The following MICU1 variants were observed in gnomAD, a reference collection of about 807,000 sequenced individuals.
MICU1 encodes the protein mitochondrial calcium uptake 1, also known as calcium uptake protein 1, mitochondrial.
MICU1 carries 45 observed loss-of-function variants against 56.8 expected under a neutral mutation model. The observed-to-expected ratio is 0.79, with a 90% confidence interval of 0.62 to 1.02. The LOEUF is 1.02. MICU1 is among the 50% of genes least tolerant of loss of function. The pLI is 0.00. For synonymous variants in MICU1, 186 were observed against 195.1 expected, an observed-to-expected ratio of 0.95 and a Z score of 0.39; for missense variants, 504 against 587.1, an observed-to-expected ratio of 0.86 and a Z score of 1.46.
intron 1 of MICU1, among the ~76,000 whole-genome samples, chr10:72,602,180 G>A (rs753284516): frequency 2.1e-4 from 32 of 151,450 alleles, no homozygotes; most frequent in Non-Finnish European, 3.7e-4. Context: ...GGCCAGGCAC[G>A]GTGGCTCTCT....
intron 3 of MICU1, among the ~76,000 whole-genome samples, chr10:72,558,522 C>CT (rs1011271998): frequency 3.3e-5 from 5 of 152,144 alleles, no homozygotes; most frequent in African/African-American, 1.2e-4. Flanking sequence ...TACGGCAGGG[C>CT]TTCTCTTGAC....
At chr10:72,599,483 G>GCTCT (rs1312651509) in intron 1 of MICU1, among the ~76,000 whole-genome samples, 1 of 151,994 alleles carries the variant, frequency 6.6e-6, no homozygotes, top group Non-Finnish European at 1.5e-5. Flanking sequence ...GCATATCCAT[G>GCTCT]CTCTACACAC....
Position 72,613,641 on chromosome 10 carries a change from A to G in MICU1, c.-2+12369T>C, listed in dbSNP as rs1044539162. Reference sequence around the variant, plus strand: ...ATATTTTCTCCTACATAACTACATTATCAAATTTATTCAAATTAATAATTA... The same window carrying G: ...ATATTTTCTCCTACATAACTACATTGTCAAATTTATTCAAATTAATAATTA... On this transcript the variant is annotated intron_variant, in intron 1 of 11. Transcript: ENST00000361114. Among the ~76,000 whole-genome samples, 4 of 152,224 alleles carry G rather than the reference A, an allele frequency of 2.6e-5. No homozygotes were observed. The East Asian group carries it at 7.7e-4, about 29-fold the overall frequency.
intron 4 of MICU1, among the ~76,000 whole-genome samples, chr10:72,549,821 C>T (rs2132441024): frequency 6.6e-6 from 1 of 150,478 alleles, no homozygotes; most frequent in South Asian, 2.1e-4. Context: ...ATGCCAGCTA[C>T]TCAGGAGGCA....
chr10:72,535,462 G>C (rs993301287), intron 4 of MICU1, among the ~76,000 whole-genome samples: 2 of 152,146 alleles, frequency 1.3e-5, no homozygotes, highest in African/African-American at 4.8e-5. Flanking sequence ...CTCAATCCAA[G>C]AGGTTTAGTA....
chr10:72,549,388 G>A lies in MICU1; in HGVS notation c.493+1791C>T, dbSNP rs1004530227. On this transcript the variant is annotated intron_variant, in intron 4 of 11. Transcript: ENST00000361114. Reference sequence around the variant, plus strand: ...TTATTTTTTGTAGAGATGGGGTTTCGCCATGTTGCCCAGGCTGGTCCTCAA... The same window carrying A: ...TTATTTTTTGTAGAGATGGGGTTTCACCATGTTGCCCAGGCTGGTCCTCAA... Among the ~76,000 whole-genome samples, 5 of 151,350 alleles carry A rather than the reference G, an allele frequency of 3.3e-5. No homozygotes were observed. In the South Asian group the frequency reaches 1.0e-3, roughly 32 times the overall value.
chr10:72,419,148 T>C (rs986073611), intron 9 of MICU1, among the ~76,000 whole-genome samples: 1 of 152,230 alleles, frequency 6.6e-6, no homozygotes, highest in African/African-American at 2.4e-5. Flanking sequence ...CCTATCATGA[T>C]AGATAATTAA....
At chr10:72,569,237 A>ATATATATATATATATATATAT in intron 1 of MICU1, among the ~76,000 whole-genome samples, 1 of 34,378 alleles carries the variant, frequency 2.9e-5, no homozygotes, top group African/African-American at 1.1e-4. Context: ...ATATATATAT[A>ATATATATATATATATATATAT]TTTTTTTTTT....
At chr10:72,507,809 G>T (rs139675006) in intron 6 of MICU1, among the ~76,000 whole-genome samples, 1 of 151,980 alleles carries the variant, frequency 6.6e-6, no homozygotes, top group Non-Finnish European at 1.5e-5. Context: ...GTAGAGATGG[G>T]GTTTCACCAT....
At chr10:72,486,351 ATTAG>A (rs1337531022) in intron 6 of MICU1, among the ~76,000 whole-genome samples, 1 of 152,214 alleles carries the variant, frequency 6.6e-6, no homozygotes, top group Admixed American at 6.5e-5. Context: ...GCAACAAAAC[ATTAG>A]TTAGATATAA....
At chr10:72,452,703 C>A (rs1006370403) in intron 8 of MICU1, among the ~76,000 whole-genome samples, 9 of 152,180 alleles carry the variant, frequency 5.9e-5, no homozygotes, top group Non-Finnish European at 1.3e-4. Context: ...GATGTTTGCA[C>A]ACTGAAATCG....
At chr10:72,451,112 C>T (rs1267547508) in intron 8 of MICU1, among the ~76,000 whole-genome samples, 5 of 151,434 alleles carry the variant, frequency 3.3e-5, no homozygotes, top group African/African-American at 1.2e-4. Context: ...GCAACCTCCG[C>T]CTTTCTGGTT....
At chr10:72,610,258 C>T (rs79391639) in intron 1 of MICU1, among the ~76,000 whole-genome samples, 1 of 40,592 alleles carries the variant, frequency 2.5e-5, no homozygotes, top group Non-Finnish European at 6.7e-5. Context: ...GACATACTCT[C>T]CAAAAAAAAA....
intron 8 of MICU1, among the ~76,000 whole-genome samples, chr10:72,430,650 T>C (rs1864495139): frequency 6.6e-6 from 1 of 152,108 alleles, no homozygotes; most frequent in Non-Finnish European, 1.5e-5. Context: ...AACCTCCACC[T>C]TCCAGGTTCA....
At chr10:72,528,823 TATTAC>T (rs1423804373) in intron 5 of MICU1, 5 of 175,276 alleles carry the variant, frequency 2.9e-5, no homozygotes, top group Non-Finnish European at 1.3e-5. Context: ...CACGAAGAAG[TATTAC>T]ATTATAGGAA....
At chr10:72,431,204 C>T (rs1248892150) in intron 8 of MICU1, among the ~76,000 whole-genome samples, 2 of 151,816 alleles carry the variant, frequency 1.3e-5, no homozygotes, top group Non-Finnish European at 2.9e-5. Flanking sequence ...GATCTTGGCT[C>T]GCTGCAACCT....
chr10:72,432,790 T>A (rs1864583579), intron 8 of MICU1, among the ~76,000 whole-genome samples: 1 of 152,188 alleles, frequency 6.6e-6, no homozygotes, highest in Non-Finnish European at 1.5e-5. Context: ...AGGCACAGCC[T>A]CCAACATTGC....
chr10:72,568,184 T>C (rs1277723420), intron 1 of MICU1, among the ~76,000 whole-genome samples: 1 of 152,170 alleles, frequency 6.6e-6, no homozygotes, highest in Non-Finnish European at 1.5e-5. Context: ...CCCTCCTCCC[T>C]ACCAGATTCT....
At chr10:72,440,385 T>A (rs1013052274) in intron 8 of MICU1, among the ~76,000 whole-genome samples, 1 of 152,176 alleles carries the variant, frequency 6.6e-6, no homozygotes, top group Non-Finnish European at 1.5e-5. Flanking sequence ...TTATACCTTA[T>A]ACAAAAATTA....
Sources: gnomAD v4.1 joint callset for allele counts (sites outside exome capture counted in the v4.1 genomes callset) on GRCh38, gnomAD v4.1.1 for gene constraint, MANE v1.5 for transcripts, NCBI Gene and HGNC (gene_info 2026-07-23, HGNC 2026-07-21) for gene names.